Variants in ZNF107 observed in about 807,000 individuals in gnomAD.
ZNF107 encodes the protein zinc finger protein 107.
In ZNF107, 19 loss-of-function variants were observed where a neutral mutation model predicts 12.3. That is an observed-to-expected ratio of 1.55 (90% CI 1.08 to 2.27). The LOEUF is 2.27. ZNF107 is among the 30% of genes most tolerant of loss of function. The pLI is 0.00. For missense variants in ZNF107, 958 were observed against 979.9 expected (o/e 0.98, Z 0.30); for synonymous variants, 317 against 330.5 (o/e 0.96, Z 0.44).
chr7:64,666,789 C>G (rs1044580649), intron 1 of ZNF107, among the ~76,000 whole-genome samples: 6 of 152,114 alleles, frequency 3.9e-5, no homozygotes, highest in Admixed American at 3.3e-4. Context: ...GAGCACCCAG[C>G]TGTGGTTTGT....
intron 3 of ZNF107, among the ~76,000 whole-genome samples, chr7:64,693,616 C>T (rs2128963539): frequency 6.6e-6 from 1 of 152,028 alleles, no homozygotes; most frequent in East Asian, 1.9e-4. Context: ...AGTTTTAATT[C>T]CCATTTTAGT....
At position 64,709,802 on chromosome 7, in the gene ZNF107, A is replaced by G; in HGVS notation, c.*1146A>G. 2.2e-6 allele frequency: 1 copy of G among 448,628 alleles called. No homozygotes were observed. The highest frequency in any genetic ancestry group is 7.0e-5 in the East Asian group (1 of 14,214). 27.8% of individuals were successfully genotyped at this position (448,628 alleles called of 1,614,324 possible). A position where few individuals can be genotyped will look rare whatever the true frequency, so the allele number is the denominator to read the frequency against. ...CATTATAAATGCAATTTTTGTCAAGAGATCTTTCAGAAAATATAAGCCTTT... is the reference window on the plus strand; with the variant it reads ...CATTATAAATGCAATTTTTGTCAAGGGATCTTTCAGAAAATATAAGCCTTT... On this transcript the variant is annotated 3_prime_UTR_variant, in exon 4 of 4. Transcript: ENST00000620827.
intron 1 of ZNF107, among the ~76,000 whole-genome samples, chr7:64,680,461 G>A (rs191922537): frequency 3.3e-5 from 5 of 152,238 alleles, no homozygotes; most frequent in Admixed American, 1.3e-4. Context: ...GAGGTCCCCC[G>A]TGAGGACCCC....
chr7:64,698,635 G>A (rs1343504115), intron 3 of ZNF107, among the ~76,000 whole-genome samples: 1 of 152,098 alleles, frequency 6.6e-6, no homozygotes, highest in South Asian at 2.1e-4. Context: ...TGCCCAGGCT[G>A]GTCTTGAACT....
In ZNF107 at chr7:64,708,622, A is replaced by G. The variant is rs760290280; in HGVS notation, c.2525A>G (p.Glu842Gly). 1 of 1,593,116 alleles carries G rather than the reference A, an allele frequency of 6.3e-7. No individual in the cohort carries two copies. The highest frequency in any genetic ancestry group is 1.1e-5 in the South Asian group (1 of 89,482). Residue 842 changes from glutamate (E) to glycine (G), a missense_variant, in exon 4 of 4, where the codon GAG (glutamate) becomes GGG (glycine). By Grantham distance (98) the Glu-to-Gly change is moderately conservative (BLOSUM62 -2). Coordinates refer to ENST00000620827, the MANE Select transcript of ZNF107 (RefSeq NM_001282359.2). ...ACACATAAGAAAATTCATACTGGAG[A>G]GAAACCCTACAAATGTGAGTATGGC... ...LTTHKKIHTG[E>G]KPYKCEYGKT
intron 1 of ZNF107, among the ~76,000 whole-genome samples, chr7:64,675,837 C>CA: frequency 6.6e-6 from 1 of 152,014 alleles, no homozygotes; most frequent in Non-Finnish European, 1.5e-5. Context: ...TGTTATTTAC[C>CA]AAAAAGTCAT....
At chr7:64,688,842 A>G (rs534646318) in intron 1 of ZNF107, among the ~76,000 whole-genome samples, 2 of 152,308 alleles carry the variant, frequency 1.3e-5, no homozygotes, top group African/African-American at 4.8e-5. Flanking sequence ...TAATAATGAC[A>G]CACTGGATCC....
Position 64,708,562 on chromosome 7 carries a change from A to T in ZNF107, c.2465A>T (p.Tyr822Phe). ...GAGAAACCCTACAAATGTGGAGATT[A>T]TGGCAGAGCTTTCAACCTATCCTCA... Reference protein sequence around the residue: ...TGEKPYKCGDYGRAFNLSSNL... With the variant: ...TGEKPYKCGDFGRAFNLSSNL... The change falls in exon 4 of 4, where the codon TAT (tyrosine) becomes TTT (phenylalanine). Residue 822 changes from tyrosine (Y) to phenylalanine (F), a missense_variant. Coordinates refer to ENST00000620827, the MANE Select transcript of ZNF107 (RefSeq NM_001282359.2). The T allele has an allele frequency of 1.2e-6, 2 of 1,612,018 alleles. No homozygotes were observed. The highest frequency in any genetic ancestry group is 1.7e-6 in the Non-Finnish European group (2 of 1,178,956).
Position 64,708,870 on chromosome 7 carries a change from G to A in ZNF107, c.*214G>A. The A allele has an allele frequency of 1.7e-6, 1 of 599,108 alleles. No individual in the cohort carries two copies. The allele number at this position is 599,108 out of a possible 1,614,324, so 37.1% of individuals were successfully genotyped here. A position where few individuals can be genotyped will look rare whatever the true frequency, so the allele number is the denominator to read the frequency against. The stretch of plus-strand genomic sequence containing the variant: ...AAGTTGAGAAAATTCGTACTGGAGA[G>A]AATCCTACAAATGTGAAAAATGTGG... On this transcript the variant is annotated 3_prime_UTR_variant, in exon 4 of 4. Coordinates refer to ENST00000620827, the MANE Select transcript of ZNF107 (RefSeq NM_001282359.2).
intron 3 of ZNF107, among the ~76,000 whole-genome samples, chr7:64,693,165 A>ATTTTTTTTTTTTTTTTTT (rs34734604): frequency 9.1e-6 from 1 of 110,106 alleles, no homozygotes; most frequent in Non-Finnish European, 1.8e-5. Flanking sequence ...CACTCAGCTA[A>ATTTTTTTTTTTTTTTTTT]TTTTTTTTTT....
At chr7:64,668,937 T>C (rs111767248) in intron 1 of ZNF107, 1 of 151,770 alleles carries the variant, frequency 6.6e-6, no homozygotes, top group Admixed American at 6.6e-5. Flanking sequence ...CAGGGTACTT[T>C]TGTTACAGTA....
In ZNF107 at chr7:64,708,574, T is replaced by A. The variant is rs1321601527; in HGVS notation, c.2477T>A (p.Phe826Tyr). The A allele has an allele frequency of 6.2e-7, 1 of 1,612,834 alleles. No individual in the cohort carries two copies. The highest frequency in any genetic ancestry group is 8.5e-7 in the Non-Finnish European group (1 of 1,179,388). Residue 826 changes from phenylalanine (F) to tyrosine (Y), a missense_variant, in exon 4 of 4, where the codon TTC becomes TAC. Phe to Tyr is a conservative substitution (Grantham distance 22). Transcript: ENST00000620827. ...AAATGTGGAGATTATGGCAGAGCTT[T>A]CAACCTATCCTCAAATCTTACTACA... Reference protein sequence around the residue: ...PYKCGDYGRAFNLSSNLTTHK... With the variant: ...PYKCGDYGRAYNLSSNLTTHK...
At chr7:64,692,145 T>C (rs552473135) in intron 3 of ZNF107, among the ~76,000 whole-genome samples, 185 bp downstream of exon 3, 2 of 152,342 alleles carry the variant, frequency 1.3e-5, no homozygotes, top group African/African-American at 4.8e-5. Context: ...TTTTAAATTC[T>C]CTAAGGATTC....
rs191938410 is a variant in ZNF107, at chr7:64,700,579, G to A, written c.227-5745G>A. ...GTTGCCCAGGCTGTGGAGTGCAGTG[G>A]CATAGGCTGGAGTGCAGTGGCGTGA... On this transcript the variant is annotated intron_variant, in intron 3 of 3. Coordinates refer to ENST00000620827, the MANE Select transcript of ZNF107 (RefSeq NM_001282359.2). Among the ~76,000 whole-genome samples the A allele has an allele frequency of 1.6e-3, 199 of 126,056 alleles. 1 individual carries two copies. The highest frequency in any genetic ancestry group is 3.9e-3 in the Admixed American group (41 of 10,402). 82.7% of individuals were successfully genotyped at this position (126,056 alleles called of 152,430 possible).
intron 1 of ZNF107, chr7:64,686,554 C>G (rs1471829283): frequency 2.0e-6 from 2 of 985,254 alleles, no homozygotes; most frequent in Non-Finnish European, 2.4e-6. Context: ...AACAAAAAGA[C>G]AGGAATGTCA....
At chr7:64,697,555 T>TGTGAATACTGGTACAATAAACATA (rs1339788832) in intron 3 of ZNF107, among the ~76,000 whole-genome samples, 6 of 152,256 alleles carry the variant, frequency 3.9e-5, no homozygotes, top group African/African-American at 1.4e-4. Context: ...TTTTGGCTTT[T>TGTGAATACTGGTACAATAAACATA]GTGAATACTG....
intron 1 of ZNF107, among the ~76,000 whole-genome samples, chr7:64,671,779 C>CTTTTT (rs1213610930): frequency 3.4e-5 from 4 of 116,546 alleles, no homozygotes; most frequent in Non-Finnish European, 5.3e-5. Flanking sequence ...CCTTTTTGTT[C>CTTTTT]TTTTTTTTTT....
chr7:64,686,860 A>G, intron 1 of ZNF107: 1 of 981,654 alleles, frequency 1.0e-6, no homozygotes, highest in Non-Finnish European at 1.2e-6. Flanking sequence ...CTAACACCCA[A>G]GTGAATAAAC....
chr7:64,698,588 A>AT (rs1377604442), intron 3 of ZNF107, among the ~76,000 whole-genome samples: 22 of 151,750 alleles, frequency 1.4e-4, no homozygotes, highest in Admixed American at 1.3e-3. Context: ...TGCCCAGATA[A>AT]TTTTGTATTT....
Sources: allele counts gnomAD v4.1 joint callset (sites outside exome capture counted in the v4.1 genomes callset), GRCh38; gene constraint gnomAD v4.1.1; transcripts MANE v1.5; gene names NCBI Gene and HGNC (gene_info 2026-07-23, HGNC 2026-07-21).